Variants in MEGF11 observed in about 807,000 individuals in gnomAD.
MEGF11 encodes the protein multiple EGF like domains 11, also known as multiple epidermal growth factor-like domains protein 11.
In MEGF11, 126 loss-of-function variants were observed where a neutral mutation model predicts 146.6. The observed-to-expected ratio is 0.86, with a 90% CI of 0.74 to 1.00. The LOEUF is 1.00. Ranked by LOEUF, MEGF11 falls within the 50% of genes least tolerant of loss-of-function variation. The pLI is 0.00. For missense variants in MEGF11, 1,509 were observed against 1,521.2 expected (o/e 0.99, Z 0.13); for synonymous variants, 532 against 583.4 (o/e 0.91, Z 1.27).
chr15:66,218,156 A>G (rs957455393), intron 1 of MEGF11, among the ~76,000 whole-genome samples: 3 of 152,308 alleles, frequency 2.0e-5, no homozygotes, highest in African/African-American at 7.2e-5. Context: ...TATGTCCCCA[A>G]AATTTAAAAA....
intron 4 of MEGF11, among the ~76,000 whole-genome samples, chr15:66,101,490 G>C (rs1198937567): frequency 6.6e-6 from 1 of 152,120 alleles, no homozygotes; most frequent in Non-Finnish European, 1.5e-5. Context: ...CCACAGGCTG[G>C]ATGAGGTCCT....
At chr15:66,081,009 C>T (rs1231021175) in intron 5 of MEGF11, among the ~76,000 whole-genome samples, 1 of 152,242 alleles carries the variant, frequency 6.6e-6, no homozygotes, top group African/African-American at 2.4e-5. Flanking sequence ...GAAAAAACAA[C>T]TCGAGAGAGA....
intron 5 of MEGF11, among the ~76,000 whole-genome samples, chr15:65,997,269 G>T (rs138621159): frequency 6.2e-4 from 95 of 152,328 alleles, no homozygotes; most frequent in African/African-American, 2.2e-3. Context: ...CCTGGGATCT[G>T]CCAGGATGAA....
chr15:66,077,418 G>A (rs965592877), intron 5 of MEGF11, among the ~76,000 whole-genome samples: 1 of 152,184 alleles, frequency 6.6e-6, no homozygotes, highest in African/African-American at 2.4e-5. Flanking sequence ...CTTGGGGCAC[G>A]TGTCTGGCCC....
intron 4 of MEGF11, among the ~76,000 whole-genome samples, chr15:66,106,765 C>A (rs2087100163): frequency 6.6e-6 from 1 of 152,216 alleles, no homozygotes; most frequent in Non-Finnish European, 1.5e-5. Context: ...CACAGCCAGA[C>A]ATCAGAGCAG....
At chr15:66,219,953 C>T (rs1330639841) in intron 1 of MEGF11, among the ~76,000 whole-genome samples, 2 of 152,136 alleles carry the variant, frequency 1.3e-5, no homozygotes, top group South Asian at 2.1e-4. Flanking sequence ...TCACCCGGAA[C>T]CTCAGAATGT....
chr15:66,092,629 CTCTT>C (rs1166176763), intron 5 of MEGF11, among the ~76,000 whole-genome samples: 1 of 152,208 alleles, frequency 6.6e-6, no homozygotes, highest in Non-Finnish European at 1.5e-5. Context: ...TTTGTTCCAT[CTCTT>C]TCATTAGGCC....
At chr15:66,181,171 G>A (rs913567085) in intron 1 of MEGF11, among the ~76,000 whole-genome samples, 1 of 152,138 alleles carries the variant, frequency 6.6e-6, no homozygotes, top group African/African-American at 2.4e-5. Flanking sequence ...TATCCATTTG[G>A]GGAAGAAGCT....
chr15:66,053,309 T>TA (rs1321973227), intron 5 of MEGF11, among the ~76,000 whole-genome samples: 2 of 152,204 alleles, frequency 1.3e-5, no homozygotes, highest in Non-Finnish European at 2.9e-5. Flanking sequence ...CCTTGCCTGT[T>TA]AAAAACACTA....
intron 1 of MEGF11, among the ~76,000 whole-genome samples, chr15:66,233,008 C>A (rs534273458): frequency 5.9e-5 from 9 of 152,280 alleles, no homozygotes; most frequent in African/African-American, 1.7e-4. Flanking sequence ...AACAACACCA[C>A]CTCAGTCTCC....
chr15:65,986,793 C>CTTTTT (rs34991788), intron 5 of MEGF11, among the ~76,000 whole-genome samples: 11 of 121,322 alleles, frequency 9.1e-5, no homozygotes, highest in African/African-American at 1.9e-4. Flanking sequence ...CTGATTTTTC[C>CTTTTT]TTTTTTTTTT....
chr15:66,245,889 C>T (rs1265344847), intron 1 of MEGF11, among the ~76,000 whole-genome samples: 2 of 152,094 alleles, frequency 1.3e-5, no homozygotes, highest in South Asian at 2.1e-4. Context: ...TGCCATCACC[C>T]GGCATGAGTT....
chr15:66,090,180 C>T (rs2086265913), intron 5 of MEGF11, among the ~76,000 whole-genome samples: 1 of 152,184 alleles, frequency 6.6e-6, no homozygotes, highest in African/African-American at 2.4e-5. Flanking sequence ...CATTTATCCC[C>T]TTCACTGCTG....
At chr15:66,171,262 A>G (rs2090247002) in intron 1 of MEGF11, among the ~76,000 whole-genome samples, 1 of 152,198 alleles carries the variant, frequency 6.6e-6, no homozygotes, top group South Asian at 2.1e-4. Context: ...CGGGGCAGGT[A>G]TCTGCTCAAC....
At chr15:66,055,491 C>T (rs574463021) in intron 5 of MEGF11, among the ~76,000 whole-genome samples, 15 of 152,206 alleles carry the variant, frequency 9.9e-5, no homozygotes, top group Admixed American at 7.9e-4. Context: ...GTGCCTCGTT[C>T]GGTAGCGTGT....
At chr15:66,077,642 T>C (rs768061154) in intron 5 of MEGF11, among the ~76,000 whole-genome samples, 1 of 152,076 alleles carries the variant, frequency 6.6e-6, no homozygotes, top group Non-Finnish European at 1.5e-5. Context: ...GTGCTCCAGG[T>C]CATAGAGACA....
At chr15:65,983,074 C>G (rs1382693831) in intron 5 of MEGF11, among the ~76,000 whole-genome samples, 3 of 152,160 alleles carry the variant, frequency 2.0e-5, no homozygotes, top group African/African-American at 7.2e-5. Context: ...AACTCCCTGC[C>G]CCTCCCCTGG....
intron 5 of MEGF11, among the ~76,000 whole-genome samples, chr15:66,055,291 A>T (rs2084630134): frequency 6.6e-6 from 1 of 152,244 alleles, no homozygotes; most frequent in Non-Finnish European, 1.5e-5. Context: ...AACTATCGAG[A>T]TTCGTAGGCC....
intron 1 of MEGF11, among the ~76,000 whole-genome samples, chr15:66,129,366 G>A (rs1239549612): frequency 2.0e-5 from 3 of 152,196 alleles, no homozygotes; most frequent in Admixed American, 6.5e-5. Context: ...GAAATCACAC[G>A]CACCCAAACA....
Sources: gnomAD v4.1 joint callset for allele counts (sites outside exome capture counted in the v4.1 genomes callset) on GRCh38, gnomAD v4.1.1 for gene constraint, MANE v1.5 for transcripts, NCBI Gene and HGNC (gene_info 2026-07-23, HGNC 2026-07-21) for gene names.